Variants in PDE1A observed in about 807,000 individuals in gnomAD.
PDE1A encodes dual specificity calcium/calmodulin-dependent 3',5'-cyclic nucleotide phosphodiesterase 1A.
A neutral mutation model predicts 61.7 loss-of-function variants in PDE1A; 35 were observed. The observed-to-expected ratio is 0.57, with a 90% CI of 0.43 to 0.75. The LOEUF (loss-of-function observed/expected upper bound fraction) is 0.75, where lower values mean the gene tolerates loss of function less well. Among genes scored for constraint, PDE1A ranks in the 30% least tolerant of loss-of-function variants. The probability of loss-of-function intolerance (pLI) is 0.00; values close to 1 mark genes in which losing one functional copy is unlikely to be tolerated. For synonymous variants in PDE1A, 232 were observed against 213.2 expected (o/e 1.09, Z -0.77); for missense variants, 597 against 630.6 (o/e 0.95, Z 0.57).
chr2:182,248,598 G>A (rs544705611), intron 2 of PDE1A, among the ~76,000 whole-genome samples: 4 of 152,280 alleles, frequency 2.6e-5, no homozygotes, highest in African/African-American at 7.2e-5. Flanking sequence ...AGTTTGCAGG[G>A]AAGGGAAGTA....
At chr2:182,533,519 T>A in the PDE1A span, among the ~76,000 whole-genome samples, 1 of 152,228 alleles carries the variant, frequency 6.6e-6, no homozygotes, top group Non-Finnish European at 1.5e-5. Flanking sequence ...TTATGATTAC[T>A]GACATTCTCA....
At chr2:182,310,119 G>A (rs929160256) in intron 1 of PDE1A, among the ~76,000 whole-genome samples, 6 of 152,038 alleles carry the variant, frequency 3.9e-5, no homozygotes, top group Non-Finnish European at 8.8e-5. Context: ...CAAAACCAGG[G>A]CTTAATTTCA....
chr2:182,704,505 A>G, the PDE1A span, among the ~76,000 whole-genome samples: 1 of 152,360 alleles, frequency 6.6e-6, no homozygotes, highest in Admixed American at 6.5e-5. Context: ...GAGGAAGGTC[A>G]AAGTAAGAAT....
At chr2:182,461,766 A>G (rs924793221) in intron 2 of PDE1A, among the ~76,000 whole-genome samples, 25 of 152,146 alleles carry the variant, frequency 1.6e-4, no homozygotes, top group African/African-American at 6.0e-4. Context: ...AAATAATCTC[A>G]TCAAGATTTG....
intron 1 of PDE1A, among the ~76,000 whole-genome samples, chr2:182,311,689 T>G (rs944681537): frequency 2.0e-5 from 3 of 152,222 alleles, no homozygotes; most frequent in African/African-American, 7.2e-5. Flanking sequence ...TATTTTTTTT[T>G]GAATGGATGA....
intron 7 of PDE1A, among the ~76,000 whole-genome samples, chr2:182,215,640 C>A (rs1199225880): frequency 1.5e-5 from 2 of 132,220 alleles, no homozygotes; most frequent in Non-Finnish European, 3.2e-5. Flanking sequence ...ACAAACACCT[C>A]TACGCAAATA....
At chr2:182,468,151 A>G (rs1381710349) in intron 2 of PDE1A, among the ~76,000 whole-genome samples, 1 of 151,882 alleles carries the variant, frequency 6.6e-6, no homozygotes, top group Non-Finnish European at 1.5e-5. Flanking sequence ...ATAAGACAAG[A>G]ATGAAGTTTG....
chr2:182,390,536 T>C (rs1265293031), intron 1 of PDE1A, among the ~76,000 whole-genome samples: 1 of 152,152 alleles, frequency 6.6e-6, no homozygotes, highest in African/African-American at 2.4e-5. Context: ...TCAGAGATTC[T>C]AATTCCTGGC....
At chr2:182,490,527 G>A (rs954928361) in intron 2 of PDE1A, among the ~76,000 whole-genome samples, 3 of 151,978 alleles carry the variant, frequency 2.0e-5, no homozygotes, top group Non-Finnish European at 2.9e-5. Flanking sequence ...CCACCACCAC[G>A]CCCAGCTAAT....
chr2:182,551,392 T>G, the PDE1A span, among the ~76,000 whole-genome samples: 2 of 152,240 alleles, frequency 1.3e-5, no homozygotes, highest in South Asian at 4.1e-4. Flanking sequence ...AGTGGGGGCT[T>G]GGGGTTGTCC....
chr2:182,349,812 A>G (rs186561972), intron 1 of PDE1A, among the ~76,000 whole-genome samples: 1 of 152,278 alleles, frequency 6.6e-6, no homozygotes, highest in Admixed American at 6.5e-5. Context: ...GCAAACAGAG[A>G]TTAAAAGAAA....
intron 2 of PDE1A, among the ~76,000 whole-genome samples, chr2:182,442,224 A>C (rs1021277237): frequency 1.3e-5 from 2 of 152,074 alleles, no homozygotes; most frequent in Non-Finnish European, 2.9e-5. Flanking sequence ...AAAAATTTCT[A>C]ATTCTTTTCT....
At chr2:182,168,278 C>T in exon 14 of PDE1A, 1 of 1,587,012 alleles carries the variant, frequency 6.3e-7, no homozygotes, top group Non-Finnish European at 8.5e-7. Flanking sequence ...CTTCTGTGAA[C>T]TGGTTCTTGC....
At chr2:182,576,616 A>T in the PDE1A span, among the ~76,000 whole-genome samples, 1 of 152,132 alleles carries the variant, frequency 6.6e-6, no homozygotes, top group East Asian at 1.9e-4. Flanking sequence ...GGTACTTCTA[A>T]TTTTAATTTT....
At chr2:182,712,920 C>T in the PDE1A span, among the ~76,000 whole-genome samples, 1 of 152,134 alleles carries the variant, frequency 6.6e-6, no homozygotes, top group Non-Finnish European at 1.5e-5. Context: ...ACTTCTGTGG[C>T]TTCCCATTGC....
intron 1 of PDE1A, among the ~76,000 whole-genome samples, chr2:182,338,774 G>A (rs1223216781): frequency 2.6e-5 from 4 of 152,058 alleles, no homozygotes; most frequent in South Asian, 2.1e-4. Context: ...TACCCGCCTC[G>A]GCCTGCCAAA....
At chr2:182,369,012 G>C (rs74931790) in intron 1 of PDE1A, among the ~76,000 whole-genome samples, 1 of 150,562 alleles carries the variant, frequency 6.6e-6, no homozygotes, top group East Asian at 1.9e-4. Flanking sequence ...AGTTAGACTC[G>C]GATAAAAAAC....
chr2:182,536,895 G>A, the PDE1A span, among the ~76,000 whole-genome samples: 1 of 152,160 alleles, frequency 6.6e-6, no homozygotes, highest in Non-Finnish European at 1.5e-5. Flanking sequence ...CACCATGCTG[G>A]AGAGTCCCTA....
At chr2:182,172,149 A>C (rs923488694) in intron 13 of PDE1A, among the ~76,000 whole-genome samples, 8 of 152,180 alleles carry the variant, frequency 5.3e-5, no homozygotes, top group Admixed American at 1.3e-4. Context: ...AAACAAAAAC[A>C]TACTACAAAA....
Sources: gnomAD v4.1 joint callset for allele counts (sites outside exome capture counted in the v4.1 genomes callset) on GRCh38, gnomAD v4.1.1 for gene constraint, MANE v1.5 for transcripts, NCBI Gene and HGNC (gene_info 2026-07-23, HGNC 2026-07-21) for gene names.